Variants in IQGAP2 observed in about 807,000 individuals in gnomAD.
The protein encoded by IQGAP2 is IQ motif containing GTPase activating protein 2.
In IQGAP2, 173 loss-of-function variants were observed where a neutral mutation model predicts 201.3. That is an observed-to-expected ratio of 0.86 (90% confidence interval 0.76 to 0.98). The LOEUF (loss-of-function observed/expected upper bound fraction) is 0.98, where lower values mean the gene tolerates loss of function less well. IQGAP2 is among the 50% of genes least tolerant of loss of function. The pLI is 0.00. For missense variants in IQGAP2, 1,687 were observed against 1,864.8 expected (o/e 0.90, Z 1.76); for synonymous variants, 675 against 673.9 (o/e 1.00, Z -0.03).
intron 30 of IQGAP2, among the ~76,000 whole-genome samples, chr5:76,693,069 G>A (rs1746416467): frequency 6.6e-6 from 1 of 152,200 alleles, no homozygotes; most frequent in Non-Finnish European, 1.5e-5. Context: ...AAAAAAGAAG[G>A]AAAAGTATTT....
In IQGAP2 at chr5:76,403,592, G is replaced by A; in HGVS notation, c.46+1G>A. 2 of 1,537,834 alleles carry A rather than the reference G, an allele frequency of 1.3e-6. No individual in the cohort carries two copies. The highest frequency in any genetic ancestry group is 1.7e-6 in the Non-Finnish European group (2 of 1,146,194). ...TCGCTGCAGAGACCCCGCTATGGCT[G>A]TAAGTGCGCCGGGCGCGCGGGGTTC... On this transcript the variant is annotated splice_donor_variant, in intron 1 of 35. Coordinates refer to ENST00000274364, the MANE Select transcript of IQGAP2 (RefSeq NM_006633.5). LOFTEE classifies it high-confidence loss of function. The surrounding 1 kb of genome is among the most constrained non-coding windows in gnomAD (Gnocchi z 4.8).
intron 2 of IQGAP2, among the ~76,000 whole-genome samples, chr5:76,520,698 C>CTA (rs1369967150): frequency 1.0e-5 from 1 of 97,882 alleles, no homozygotes; most frequent in Non-Finnish European, 2.0e-5. Context: ...TAGGTCTCTC[C>CTA]TCTTTTTTTT....
At chr5:76,659,067 A>G (rs901863689) in intron 21 of IQGAP2, among the ~76,000 whole-genome samples, 2 of 152,202 alleles carry the variant, frequency 1.3e-5, no homozygotes, top group African/African-American at 4.8e-5. Flanking sequence ...GTTTGTGGTT[A>G]TATATGTTCA....
intron 2 of IQGAP2, among the ~76,000 whole-genome samples, chr5:76,521,316 C>A (rs1471898253): frequency 1.3e-5 from 2 of 152,154 alleles, no homozygotes; most frequent in South Asian, 4.1e-4. Flanking sequence ...ACGGGTCTAG[C>A]CAGCTTTTCA....
At chr5:76,635,312 T>C (rs751832857) in intron 15 of IQGAP2, among the ~76,000 whole-genome samples, 8 of 152,190 alleles carry the variant, frequency 5.3e-5, no homozygotes. Flanking sequence ...AGTCAGCTGC[T>C]ATCAAGTGAG....
chr5:76,438,578 G>A (rs1752851068), intron 1 of IQGAP2, among the ~76,000 whole-genome samples: 1 of 152,102 alleles, frequency 6.6e-6, no homozygotes, highest in African/African-American at 2.4e-5. Context: ...GAGCAGCTGG[G>A]ATTATAGGCG....
At chr5:76,416,780 C>T (rs1751430363) in intron 1 of IQGAP2, among the ~76,000 whole-genome samples, 1 of 152,004 alleles carries the variant, frequency 6.6e-6, no homozygotes, top group Non-Finnish European at 1.5e-5. Flanking sequence ...CCCACCTCGG[C>T]TTCCCAAAGT....
chr5:76,703,371 GT>G (rs1747590198), intron 35 of IQGAP2, among the ~76,000 whole-genome samples: 1 of 152,066 alleles, frequency 6.6e-6, no homozygotes, highest in Non-Finnish European at 1.5e-5. Context: ...GCCCAGGCTT[GT>G]CTTAGACTAC....
chr5:76,508,704 T>G (rs1561425485), intron 2 of IQGAP2, among the ~76,000 whole-genome samples: 2 of 151,746 alleles, frequency 1.3e-5, no homozygotes, highest in Non-Finnish European at 2.9e-5. Context: ...TGTTTTGTTT[T>G]TTTTTTTTTA....
intron 2 of IQGAP2, among the ~76,000 whole-genome samples, chr5:76,471,910 A>G (rs866099076): frequency 2.0e-5 from 3 of 152,200 alleles, no homozygotes; most frequent in Non-Finnish European, 4.4e-5. Context: ...AGAATTCCTA[A>G]TTGCATTTTC....
chr5:76,630,036 GTTGA>G lies in IQGAP2; in HGVS notation c.1613-1820_1613-1817del, dbSNP rs1255295540. Among the ~76,000 whole-genome samples the G allele has an allele frequency of 6.6e-5, 10 of 152,292 alleles. No individual in the cohort carries two copies. In the East Asian group the frequency reaches 1.9e-3, roughly 29 times the overall value. On this transcript the variant is annotated intron_variant, in intron 14 of 35. Coordinates refer to ENST00000274364, the MANE Select transcript of IQGAP2 (RefSeq NM_006633.5). ...CCCCTCAGATAGACACTTTGAGCCT[GTTGA>G]TTCTTTTCTTAGGCAAAACTCTATT... is the stretch of plus-strand genomic sequence containing the variant.
At chr5:76,658,352 C>A in intron 20 of IQGAP2, 107 bp from the exon 21 acceptor site, 1 of 927,872 alleles carries the variant, frequency 1.1e-6, no homozygotes, top group Non-Finnish European at 1.7e-6. Flanking sequence ...AGACCAAGTA[C>A]TTTCATTGGT....
chr5:76,597,714 A>G (rs1022480018), intron 10 of IQGAP2, 112 bp downstream of exon 10: 8 of 1,123,540 alleles, frequency 7.1e-6, no homozygotes, highest in Admixed American at 2.2e-5. Flanking sequence ...AATTTGTACC[A>G]GTCCTGGTCT....
intron 1 of IQGAP2, among the ~76,000 whole-genome samples, chr5:76,455,601 T>TG (rs1006742827): frequency 8.4e-6 from 1 of 118,842 alleles, no homozygotes; most frequent in Admixed American, 8.5e-5. Context: ...CCATGTACAT[T>TG]GAAAGCATAT....
intron 2 of IQGAP2, among the ~76,000 whole-genome samples, chr5:76,557,610 G>A (rs530684969): frequency 6.6e-6 from 1 of 152,292 alleles, no homozygotes; most frequent in Admixed American, 6.5e-5. Flanking sequence ...CTTTTTAGCA[G>A]TCAGAATCTT....
intron 17 of IQGAP2, among the ~76,000 whole-genome samples, chr5:76,645,338 G>T (rs1751950898): frequency 6.6e-6 from 1 of 152,186 alleles, no homozygotes; most frequent in African/African-American, 2.4e-5. Context: ...ATAGTAGAAT[G>T]ATTTATATCC....
intron 13 of IQGAP2, chr5:76,624,485 G>A (rs1750038196): frequency 6.6e-6 from 1 of 152,252 alleles, no homozygotes; most frequent in Non-Finnish European, 1.5e-5. Context: ...TTTTTACAAA[G>A]GTCAGTGTTT....
At position 76,546,838 on chromosome 5, in the gene IQGAP2, T is replaced by C. The variant is rs113591773; in HGVS notation, c.147-15558T>C. ...TTTTCACTCGAGGGATATTAAAAAG[T>C]GGCCTACTGCTTATAAAGACTGTGT... On this transcript the variant is annotated intron_variant, in intron 2 of 35. Transcript: ENST00000274364. Among the ~76,000 whole-genome samples, 821 of 152,270 alleles carry C rather than the reference T, an allele frequency of 5.4e-3. 7 individuals carry two copies. Among genetic ancestry groups the C allele is most frequent in the East Asian group, 0.018 (91 of 5,176 alleles).
At chr5:76,429,613 T>C (rs1457521316) in intron 1 of IQGAP2, among the ~76,000 whole-genome samples, 1 of 145,140 alleles carries the variant, frequency 6.9e-6, no homozygotes, top group Non-Finnish European at 1.5e-5. Context: ...TTTATATATA[T>C]ACATATATAA....
Sources: gnomAD v4.1 joint callset for allele counts (sites outside exome capture counted in the v4.1 genomes callset) on GRCh38, gnomAD v4.1.1 for gene constraint, Gnocchi (gnomAD v3.1) non-coding constraint, MANE v1.5 for transcripts, NCBI Gene and HGNC (gene_info 2026-07-23, HGNC 2026-07-21) for gene names.